IGSF9: variants seen among roughly 807,000 people sequenced by gnomAD.
IGSF9 encodes the protein immunoglobulin superfamily member 9, also known as protein turtle homolog A.
In IGSF9, 87 loss-of-function variants were observed where a neutral mutation model predicts 121.7. The ratio of observed to expected loss-of-function variants is 0.71; its 90% CI spans 0.60 to 0.85. IGSF9 has a LOEUF of 0.85. Ranked by LOEUF, IGSF9 falls within the 40% of genes least tolerant of loss-of-function variation. The pLI is 0.00. For synonymous variants in IGSF9, 640 were observed against 648.4 expected, an observed-to-expected ratio of 0.99 and a Z score of 0.20; for missense variants, 1,462 against 1,565.3, an observed-to-expected ratio of 0.93 and a Z score of 1.11.
intron 9 of IGSF9, 200 bp downstream of exon 9, chr1:159,933,990 C>A (rs1163323896): frequency 6.6e-6 from 4 of 605,098 alleles, no homozygotes; most frequent in Non-Finnish European, 1.1e-5. Flanking sequence ...GACACAAAAC[C>A]ACCACTTTAA....
rs1032173903 is a variant in IGSF9, at chr1:159,932,720, AAG to A, written c.1105-70_1105-69del. The A allele has an allele frequency of 1.3e-6, 2 of 1,504,108 alleles. No homozygotes were observed. Among genetic ancestry groups the A allele is most frequent in the East Asian group, 2.3e-5 (1 of 42,888 alleles). 93.2% of individuals were successfully genotyped at this position (1,504,108 alleles called of 1,614,324 possible). On this transcript the variant is annotated intron_variant, in intron 9 of 20. Transcript: ENST00000368094. This position sits in a 1 kb window ranked among gnomAD's most constrained non-coding sequence, Gnocchi z 4.1. ...AGAGACAAGCCCGGGATGGCAGTAC[AAG>A]AGAGGGGGCAGGATGAGAAACCCAC...
intron 18 of IGSF9, 144 bp downstream of exon 18, chr1:159,929,207 C>T (rs920638899): frequency 2.3e-6 from 3 of 1,293,600 alleles, no homozygotes; most frequent in Non-Finnish European, 2.2e-6. Flanking sequence ...GCTGGGGCCA[C>T]TGCACACCCC....
intron 14 of IGSF9, 37 bp from the exon 15 acceptor site, chr1:159,930,476 C>G (rs1275212724): frequency 6.6e-7 from 1 of 1,518,358 alleles, no homozygotes; most frequent in South Asian, 1.3e-5. Context: ...AGCAAGGATT[C>G]CCAGCGCCCC....
Position 159,927,221 on chromosome 1 carries a change from G to C in IGSF9, c.*124C>G. On this transcript the variant is annotated 3_prime_UTR_variant, in exon 21 of 21. Coordinates refer to ENST00000368094, the MANE Select transcript of IGSF9 (RefSeq NM_001135050.2). ...CCAAGGTGACCCAAACCCACTATCA[G>C]GGTCTGTGCCTGGGCACCAAAGGGG... The C allele has an allele frequency of 8.6e-7, 1 of 1,167,056 alleles. No homozygotes were observed. The highest frequency in any genetic ancestry group is 1.5e-5 in the African/African-American group (1 of 65,632). 72.3% of individuals were successfully genotyped at this position (1,167,056 alleles called of 1,614,324 possible). A position where few individuals can be genotyped will look rare whatever the true frequency, so the allele number is the denominator to read the frequency against.
In IGSF9 at chr1:159,937,743, G is replaced by T; in HGVS notation, c.343C>A (p.Gln115Lys). 1 of 1,614,072 alleles carries T rather than the reference G, an allele frequency of 6.2e-7. No individual in the cohort carries two copies. Among genetic ancestry groups the T allele is most frequent in the Non-Finnish European group, 8.5e-7 (1 of 1,179,968 alleles). The change falls in exon 4 of 21, where the codon CAG becomes AAG. Residue 115 changes from glutamine (Q) to lysine (K), a missense_variant. Gln to Lys is a moderately conservative substitution (Grantham distance 53). This residue lies in a region of IGSF9 where 558 missense variants were observed against 599.4 expected (regional missense o/e 0.93). Coordinates refer to ENST00000368094, the MANE Select transcript of IGSF9 (RefSeq NM_001135050.2). The stretch of plus-strand genomic sequence containing the variant: ...GCAAAATCGTCTTCAGGGATGTGCT[G>T]GTCCAGGAAGAACACGCGGCACTCG... ...WYECRVFFLD[Q>K]HIPEDDFANG...
Position 159,934,231 on chromosome 1 carries a change from C to CA in IGSF9, c.1062dup (p.Val355CysfsTer153). Reference sequence around the variant, plus strand: ...GCCTTTCCATCCTTGGTCCAGCTGACAAAGAGCAGTGGGGGGTTGGCACGA... The same window carrying CA: ...GCCTTTCCATCCTTGGTCCAGCTGACAAAAGAGCAGTGGGGGGTTGGCACGA... On this transcript the variant is annotated frameshift_variant, in exon 9 of 21. Coordinates refer to ENST00000368094, the MANE Select transcript of IGSF9 (RefSeq NM_001135050.2). LOFTEE classifies it high-confidence loss of function. 1 of 1,614,060 alleles carries CA rather than the reference C, an allele frequency of 6.2e-7. No individual in the cohort carries two copies. The highest frequency in any genetic ancestry group is 8.5e-7 in the Non-Finnish European group (1 of 1,179,998).
At position 159,929,782 on chromosome 1, in the gene IGSF9, G is replaced by A. The variant is rs375034475; in HGVS notation, c.2182C>T (p.Pro728Ser). The A allele has an allele frequency of 4.4e-6, 7 of 1,606,118 alleles. No homozygotes were observed. The highest frequency in any genetic ancestry group is 2.2e-5 in the East Asian group (1 of 44,540). ...AGCACGGGCTGAGGCAGGAGGCCCG[G>A]CAGCTGCGTGCGCGAAGGGTAGACC... ...LEVYPSRTQL[P>S]GLLPQPVLAG... Residue 728 changes from proline (P) to serine (S), a missense_variant, in exon 17 of 21, where the codon CCG (proline) becomes TCG (serine). This residue lies in a region of IGSF9 where 808 missense variants were observed against 815.2 expected (regional missense o/e 0.99). Transcript: ENST00000368094.
intron 15 of IGSF9, 30 bp from the exon 16 acceptor site, chr1:159,930,005 G>A (rs777514806): frequency 1.3e-6 from 2 of 1,592,016 alleles, no homozygotes; most frequent in Non-Finnish European, 1.7e-6. Flanking sequence ...CCAGGAGGGA[G>A]GTCAGGGCCC....
intron 17 of IGSF9, 81 bp downstream of exon 17, chr1:159,929,557 G>A (rs966408194): frequency 6.7e-7 from 1 of 1,502,992 alleles, no homozygotes; most frequent in Non-Finnish European, 9.0e-7. Context: ...ACAGGAGCGA[G>A]GGCTTTTCCC....
At chr1:159,929,463 C>T in intron 17 of IGSF9, 70 bp from the exon 18 acceptor site, 1 of 1,576,618 alleles carries the variant, frequency 6.3e-7, no homozygotes, top group Non-Finnish European at 8.7e-7. Context: ...ACTCTCTCAC[C>T]CAACACCAGG....
Position 159,932,416 on chromosome 1 carries a change from G to A in IGSF9, c.1245+96C>T, listed in dbSNP as rs1361744340. Reference sequence around the variant, plus strand: ...CAAACTTGGAAACCCCTCCCCATGTGTCTGCCCCACCCCACCCCCATCAGC... The same window carrying A: ...CAAACTTGGAAACCCCTCCCCATGTATCTGCCCCACCCCACCCCCATCAGC... On this transcript the variant is annotated intron_variant, in intron 10 of 20. Coordinates refer to ENST00000368094, the MANE Select transcript of IGSF9 (RefSeq NM_001135050.2). This position sits in a 1 kb window ranked among gnomAD's most constrained non-coding sequence, Gnocchi z 4.1. The A allele has an allele frequency of 2.3e-5, 25 of 1,081,778 alleles. No homozygotes were observed. The East Asian group carries it at 5.9e-4, about 26-fold the overall frequency. 67.0% of individuals were successfully genotyped at this position (1,081,778 alleles called of 1,614,324 possible).
Position 159,931,675 on chromosome 1 carries a change from G to C in IGSF9, c.1363-72C>G. The C allele has an allele frequency of 6.4e-7, 1 of 1,565,658 alleles. No homozygotes were observed. The highest frequency in any genetic ancestry group is 8.7e-7 in the Non-Finnish European group (1 of 1,148,710). ...ACCAAAGGCGCCCCTCATCTCTCCA[G>C]GCAGCTCCAGTTCCTCCCCACCCTG... On this transcript the variant is annotated intron_variant, in intron 11 of 20. Coordinates refer to ENST00000368094, the MANE Select transcript of IGSF9 (RefSeq NM_001135050.2). The surrounding 1 kb of genome is among the most constrained non-coding windows in gnomAD (Gnocchi z 4.8).
At chr1:159,930,033 C>A in intron 15 of IGSF9, 58 bp from the exon 16 acceptor site, 1 of 1,572,096 alleles carries the variant, frequency 6.4e-7, no homozygotes, top group Non-Finnish European at 8.7e-7. Flanking sequence ...CCCAACCCAG[C>A]GGGGCGCGGA....
At chr1:159,938,908 C>A (rs1292271508) in intron 3 of IGSF9, among the ~76,000 whole-genome samples, 4 of 152,146 alleles carry the variant, frequency 2.6e-5, no homozygotes, top group African/African-American at 9.7e-5. Context: ...CAGAAAGCTG[C>A]ACTCAAGTCC....
chr1:159,929,191 C>T (rs1650878540), intron 18 of IGSF9, 160 bp downstream of exon 18: 2 of 1,298,712 alleles, frequency 1.5e-6, no homozygotes, highest in African/African-American at 1.5e-5. Context: ...ACTGGAACGG[C>T]CTCAGGCTGG....
In IGSF9 at chr1:159,938,701, C is replaced by T. The variant is rs371048593; in HGVS notation, c.248-863G>A. On this transcript the variant is annotated intron_variant, in intron 3 of 20. Coordinates refer to ENST00000368094, the MANE Select transcript of IGSF9 (RefSeq NM_001135050.2). ...AGACCTAGGCATGAGTCCAGCTCGA[C>T]TGTGTACTCTTTTGGGCAAGTTACT... Among the ~76,000 whole-genome samples, 8 of 152,346 alleles carry T rather than the reference C, an allele frequency of 5.3e-5. No individual in the cohort carries two copies. The South Asian group carries it at 1.0e-3, about 20-fold the overall frequency.
chr1:159,941,170 C>G (rs1007010754), intron 3 of IGSF9, among the ~76,000 whole-genome samples: 1 of 152,224 alleles, frequency 6.6e-6, no homozygotes, highest in East Asian at 1.9e-4. Flanking sequence ...ATCCAACAGT[C>G]TCTCTCAGGG....
rs1216865083 is a variant in IGSF9, at chr1:159,936,303, AATCTCCCTCCT to A, written c.673+85_673+95del. On this transcript the variant is annotated intron_variant, in intron 6 of 20. Coordinates refer to ENST00000368094, the MANE Select transcript of IGSF9 (RefSeq NM_001135050.2). ...TCCACGGGCCCTGCCCTCAGGCACA[AATCTCCCTCCT>A]ATCTTGCTGTGAACCAATTCAGCCA... is the stretch of plus-strand genomic sequence containing the variant. 62 of 1,118,568 alleles carry A rather than the reference AATCTCCCTCCT, an allele frequency of 5.5e-5. No individual in the cohort carries two copies. In the African/African-American group the frequency reaches 8.1e-4, roughly 15 times the overall value. The allele number at this position is 1,118,568 out of a possible 1,614,324, so 69.3% of individuals were successfully genotyped here.
Position 159,932,681 on chromosome 1 carries a change from G to A in IGSF9, c.1105-29C>T. 1 of 1,593,408 alleles carries A rather than the reference G, an allele frequency of 6.3e-7. No individual in the cohort carries two copies. Among genetic ancestry groups the A allele is most frequent in the Admixed American group, 1.7e-5 (1 of 58,802 alleles). On this transcript the variant is annotated intron_variant, in intron 9 of 20. Coordinates refer to ENST00000368094, the MANE Select transcript of IGSF9 (RefSeq NM_001135050.2). The surrounding 1 kb of genome is among the most constrained non-coding windows in gnomAD (Gnocchi z 4.1). ...GAAGGAAGAGAAGATGACAGCTAGA[G>A]AGAGGAGCTCAGCAGAGACAAGCCC...
Sources: allele counts gnomAD v4.1 joint callset (sites outside exome capture counted in the v4.1 genomes callset), GRCh38; gene constraint gnomAD v4.1.1; regional missense constraint gnomAD v4.1.1; non-coding constraint Gnocchi (gnomAD v3.1); transcripts MANE v1.5; gene names NCBI Gene and HGNC (gene_info 2026-07-23, HGNC 2026-07-21).